The following ZNF804B variants were observed in gnomAD, a reference collection of about 807,000 sequenced individuals.
The protein encoded by ZNF804B is zinc finger protein 804B, also known as zinc finger 804B.
Under a neutral mutation model 101.4 loss-of-function variants are expected in ZNF804B, and 80 were observed. The ratio of observed to expected loss-of-function variants is 0.79; its 90% CI spans 0.66 to 0.95. The LOEUF is 0.95. Ranked by LOEUF, ZNF804B falls within the 40% of genes least tolerant of loss-of-function variation. The pLI is 0.00. For missense variants in ZNF804B, 1,673 were observed against 1,561.9 expected (o/e 1.07, Z -1.20); for synonymous variants, 622 against 558.8 (o/e 1.11, Z -1.59).
At chr7:89,123,577 AATTT>A (rs1790435669) in intron 1 of ZNF804B, among the ~76,000 whole-genome samples, 2 of 152,174 alleles carry the variant, frequency 1.3e-5, no homozygotes, top group Non-Finnish European at 2.9e-5. Flanking sequence ...TTAAGAGGTA[AATTT>A]ATTTGTTAGG....
At chr7:88,926,535 G>A (rs1191777001) in intron 1 of ZNF804B, among the ~76,000 whole-genome samples, 3 of 152,002 alleles carry the variant, frequency 2.0e-5, no homozygotes, top group East Asian at 3.9e-4. Flanking sequence ...AACCCGGGAG[G>A]CGGAGGAGGT....
At chr7:89,197,028 A>G (rs1788564159) in intron 1 of ZNF804B, among the ~76,000 whole-genome samples, 1 of 143,164 alleles carries the variant, frequency 7.0e-6, no homozygotes, top group South Asian at 2.2e-4. Context: ...TGGGAGTGTA[A>G]ATTAGTTCAA....
At chr7:89,230,593 G>A (rs552002028) in intron 2 of ZNF804B, among the ~76,000 whole-genome samples, 2 of 152,192 alleles carry the variant, frequency 1.3e-5, no homozygotes, top group East Asian at 3.9e-4. Context: ...GATCAACAGA[G>A]CAGAGTAGAA....
chr7:89,333,720 T>A lies in ZNF804B; in HGVS notation c.738T>A (p.His246Gln), dbSNP rs1231514163. 6.2e-7 allele frequency: 1 copy of A among 1,613,518 alleles called. No individual in the cohort carries two copies. The change falls in exon 4 of 4, where the codon CAT (histidine) becomes CAA (glutamine). Residue 246 changes from histidine (H) to glutamine (Q), a missense_variant. His to Gln is a conservative substitution (Grantham distance 24, BLOSUM62 0). Transcript: ENST00000333190. Reference sequence around the variant, plus strand: ...TCAGTGAGAACACAGAAGAAACCCATGATTGTAACAAGTCACCCATTTATA... The same window carrying A: ...TCAGTGAGAACACAGAAGAAACCCAAGATTGTAACAAGTCACCCATTTATA... ...SVFSENTEET[H>Q]DCNKSPIYKT...
At chr7:89,176,949 G>T (rs1791332392) in intron 1 of ZNF804B, among the ~76,000 whole-genome samples, 1 of 151,906 alleles carries the variant, frequency 6.6e-6, no homozygotes, top group African/African-American at 2.4e-5. Flanking sequence ...AGTCTGTAAT[G>T]ATTATTTGAA....
intron 1 of ZNF804B, among the ~76,000 whole-genome samples, chr7:89,089,766 A>G (rs1451458224): frequency 2.0e-5 from 3 of 152,114 alleles, no homozygotes; most frequent in Admixed American, 6.6e-5. Context: ...GTACATATTT[A>G]AAATGCAGGT....
intron 1 of ZNF804B, among the ~76,000 whole-genome samples, chr7:88,786,600 C>T (rs1420513192): frequency 6.6e-6 from 1 of 151,970 alleles, no homozygotes; most frequent in Non-Finnish European, 1.5e-5. Context: ...TCACTTATAT[C>T]AGAAAATACT....
chr7:88,788,729 T>TA (rs1790338491), intron 1 of ZNF804B, among the ~76,000 whole-genome samples: 5 of 152,132 alleles, frequency 3.3e-5, no homozygotes, highest in African/African-American at 1.2e-4. Flanking sequence ...GATACAAACA[T>TA]GTATTTGAAG....
At chr7:89,151,441 A>G (rs1011837940) in intron 1 of ZNF804B, among the ~76,000 whole-genome samples, 1 of 152,080 alleles carries the variant, frequency 6.6e-6, no homozygotes, top group East Asian at 1.9e-4. Context: ...ACTGGTAAAC[A>G]TTGAAAACAC....
At chr7:89,325,778 T>C (rs1790887333) in intron 2 of ZNF804B, among the ~76,000 whole-genome samples, 1 of 151,980 alleles carries the variant, frequency 6.6e-6, no homozygotes, top group African/African-American at 2.4e-5. Flanking sequence ...TTATATTCAG[T>C]ACTAACAGAG....
chr7:89,280,256 G>A (rs1167314486), intron 2 of ZNF804B, among the ~76,000 whole-genome samples: 1 of 151,764 alleles, frequency 6.6e-6, no homozygotes, highest in Non-Finnish European at 1.5e-5. Context: ...CACATTCAAA[G>A]CAGTGTGTAG....
chr7:88,898,073 C>CTTTTTTTTT (rs869050718), intron 1 of ZNF804B, among the ~76,000 whole-genome samples: 3 of 56,594 alleles, frequency 5.3e-5, no homozygotes, highest in Non-Finnish European at 3.0e-5. Context: ...ACTTCTCCAT[C>CTTTTTTTTT]TTTTTTTTTT....
intron 1 of ZNF804B, among the ~76,000 whole-genome samples, chr7:89,034,883 C>T (rs1788901362): frequency 6.6e-6 from 1 of 152,118 alleles, no homozygotes; most frequent in Non-Finnish European, 1.5e-5. Context: ...TAAAAGCATT[C>T]CTGTTTCTCC....
intron 1 of ZNF804B, among the ~76,000 whole-genome samples, chr7:88,989,779 A>G (rs551448736): frequency 4.2e-4 from 64 of 152,250 alleles, no homozygotes; most frequent in African/African-American, 1.4e-3. Context: ...GGCATCATGT[A>G]TATTTTCAGT....
intron 1 of ZNF804B, among the ~76,000 whole-genome samples, chr7:89,171,958 A>G (rs1791243806): frequency 6.6e-6 from 1 of 151,998 alleles, no homozygotes; most frequent in African/African-American, 2.4e-5. Flanking sequence ...TCACAAAAGG[A>G]TCTATTTGAA....
intron 1 of ZNF804B, among the ~76,000 whole-genome samples, chr7:88,966,812 AC>A (rs1278503345): frequency 8.6e-5 from 13 of 151,620 alleles, no homozygotes; most frequent in South Asian, 4.1e-4. Context: ...GATTAAAAAA[AC>A]ATTCTCAGTT....
chr7:88,955,683 G>T (rs1793294848), intron 1 of ZNF804B, among the ~76,000 whole-genome samples: 1 of 151,530 alleles, frequency 6.6e-6, no homozygotes, highest in African/African-American at 2.4e-5. Flanking sequence ...CAGGACATTG[G>T]TCTAGGCCAA....
intron 1 of ZNF804B, among the ~76,000 whole-genome samples, chr7:89,120,655 C>T (rs1369937170): frequency 7.5e-5 from 1 of 13,376 alleles, no homozygotes; most frequent in Non-Finnish European, 1.3e-4. Context: ...GAGACTCCGC[C>T]TCAAAAAAAA....
chr7:89,159,172 T>C (rs1462542513), intron 1 of ZNF804B, among the ~76,000 whole-genome samples: 1 of 152,160 alleles, frequency 6.6e-6, no homozygotes, highest in Non-Finnish European at 1.5e-5. Context: ...TAATGAGTAG[T>C]TGCAAAATAA....
Sources: gnomAD v4.1 joint callset for allele counts (sites outside exome capture counted in the v4.1 genomes callset) on GRCh38, gnomAD v4.1.1 for gene constraint, MANE v1.5 for transcripts, NCBI Gene and HGNC (gene_info 2026-07-23, HGNC 2026-07-21) for gene names.